Variants in SVIL observed in about 807,000 individuals in gnomAD.
SVIL encodes archvillin.
Under a neutral mutation model 240.4 loss-of-function variants are expected in SVIL, and 101 were observed. The observed-to-expected ratio is 0.42, with a 90% CI of 0.36 to 0.50. The LOEUF is 0.50. SVIL is among the 20% of genes least tolerant of loss of function. The pLI is 0.01. For missense variants in SVIL, 2,512 were observed against 2,818.7 expected (o/e 0.89, Z 2.46); for synonymous variants, 999 against 1,100.0 (o/e 0.91, Z 1.82).
Position 29,493,380 on chromosome 10 carries a change from G to T in SVIL, c.3853C>A (p.His1285Asn), listed in dbSNP as rs774078310. The change falls in exon 21 of 38, where the codon CAC becomes AAC. Residue 1285 changes from histidine to asparagine, a missense_variant. Coordinates refer to ENST00000355867, the MANE Select transcript of SVIL (RefSeq NM_021738.3). ...CCGGTGACAGTGAGCACCGTTTCGT[G>T]CATCCCGCCAACTATCAACAAACAA... The part of the protein sequence containing the change: ...RRLNNKVGGM[H>N]ETVLTVTGKS... The T allele has an allele frequency of 5.6e-6, 9 of 1,613,934 alleles. No homozygotes were observed. Among genetic ancestry groups the T allele is most frequent in the Non-Finnish European group, 7.6e-6 (9 of 1,180,000 alleles).
intron 2 of SVIL, among the ~76,000 whole-genome samples, chr10:29,563,783 C>T (rs1175863649): frequency 6.6e-6 from 1 of 152,142 alleles, no homozygotes; most frequent in Non-Finnish European, 1.5e-5. Context: ...TGGAAAGCCT[C>T]ATGAAGACTC....
intron 2 of SVIL, among the ~76,000 whole-genome samples, chr10:29,681,030 A>G (rs1960601613): frequency 1.3e-5 from 2 of 152,164 alleles, no homozygotes; most frequent in South Asian, 4.1e-4. Context: ...AGGAGACGGA[A>G]AGTCCATGGG....
chr10:29,626,579 T>C (rs1442204450), intron 1 of SVIL, among the ~76,000 whole-genome samples: 1 of 152,244 alleles, frequency 6.6e-6, no homozygotes, highest in Admixed American at 6.5e-5. Context: ...GAGTCTGCTG[T>C]GACCACTTTG....
At chr10:29,724,265 T>G (rs773555293) in intron 1 of SVIL, among the ~76,000 whole-genome samples, 15 of 151,084 alleles carry the variant, frequency 9.9e-5, no homozygotes, top group Non-Finnish European at 2.1e-4. Flanking sequence ...CACTGCCTGC[T>G]ATAACTAACT....
chr10:29,593,651 T>C (rs1956474256), intron 1 of SVIL, among the ~76,000 whole-genome samples: 1 of 152,218 alleles, frequency 6.6e-6, no homozygotes. Flanking sequence ...GTAAAAGAAC[T>C]ATGGAACTTC....
At chr10:29,461,778 T>C (rs1422945328) in intron 36 of SVIL, among the ~76,000 whole-genome samples, 2 of 152,144 alleles carry the variant, frequency 1.3e-5, no homozygotes, top group African/African-American at 2.4e-5. Context: ...TAAAAGACAA[T>C]ATTAATGAGA....
chr10:29,549,545 T>A (rs930650005), intron 6 of SVIL, among the ~76,000 whole-genome samples: 1 of 145,898 alleles, frequency 6.9e-6, no homozygotes, highest in Non-Finnish European at 1.5e-5. Flanking sequence ...GGACTATAAA[T>A]CATTCTGCTA....
intron 16 of SVIL, among the ~76,000 whole-genome samples, chr10:29,513,308 C>T (rs761150161): frequency 2.0e-4 from 30 of 152,338 alleles, no homozygotes; most frequent in South Asian, 8.3e-4. Context: ...CGGTGGCTTC[C>T]GCCTGTAATC....
chr10:29,646,969 G>T (rs547854480), intron 3 of SVIL, among the ~76,000 whole-genome samples: 2 of 152,176 alleles, frequency 1.3e-5, no homozygotes, highest in Non-Finnish European at 2.9e-5. Flanking sequence ...CTTCTGACTG[G>T]TGGAAACTGC....
intron 10 of SVIL, 67 bp downstream of exon 10, chr10:29,531,187 A>G: frequency 2.6e-6 from 4 of 1,534,798 alleles, no homozygotes; most frequent in Non-Finnish European, 2.7e-6. Context: ...AAAAGCCAAA[A>G]ACCTTATTAT....
intron 1 of SVIL, among the ~76,000 whole-genome samples, chr10:29,597,277 A>G (rs117027396): frequency 0.035 from 5,349 of 152,292 alleles, 132 homozygotes; most frequent in Non-Finnish European, 0.052. Context: ...GAGCATGCAG[A>G]AAGCCCGCCC....
chr10:29,555,498 A>T (rs559146287), intron 3 of SVIL, among the ~76,000 whole-genome samples: 64 of 152,340 alleles, frequency 4.2e-4, no homozygotes, highest in African/African-American at 1.4e-3. Flanking sequence ...AAAATCACAT[A>T]CATTAAAATA....
At chr10:29,505,826 C>CA (rs1012400535) in intron 17 of SVIL, among the ~76,000 whole-genome samples, 8 of 151,836 alleles carry the variant, frequency 5.3e-5, no homozygotes. Context: ...ACAACTGCTC[C>CA]AAAAAAATAA....
rs765638308 is a variant in SVIL, at chr10:29,488,661, C to T, written c.4288G>A (p.Glu1430Lys). The T allele has an allele frequency of 3.1e-6, 5 of 1,612,902 alleles. No individual in the cohort carries two copies. In the South Asian group the frequency reaches 5.5e-5, roughly 18 times the overall value. ...NVSLRSVNLT[E>K]QNSNNSAVPY... The stretch of plus-strand genomic sequence containing the variant: ...ACGGCGCTGTTGTTAGAGTTCTGTT[C>T]CGTCAGGTTGACGCTCCGCAGGCTG... The change falls in exon 23 of 38, where the codon GAA (glutamate) becomes AAA (lysine). Residue 1430 changes from glutamate to lysine, a missense_variant. Transcript: ENST00000355867.
intron 17 of SVIL, among the ~76,000 whole-genome samples, chr10:29,504,381 C>T (rs182452913): frequency 1.9e-3 from 287 of 152,152 alleles, no homozygotes; most frequent in Non-Finnish European, 1.8e-3. Flanking sequence ...GTAAAAGACA[C>T]TGTTAAAAGA....
At chr10:29,667,431 C>T (rs960660874) in intron 2 of SVIL, among the ~76,000 whole-genome samples, 1 of 152,110 alleles carries the variant, frequency 6.6e-6, no homozygotes, top group Non-Finnish European at 1.5e-5. Context: ...TAGAAAACAG[C>T]AGTCGTTGCC....
chr10:29,480,381 T>C (rs1946695339), intron 29 of SVIL, 156 bp downstream of exon 29: 1 of 890,202 alleles, frequency 1.1e-6, no homozygotes, highest in African/African-American at 1.7e-5. Context: ...TTTTCATCTC[T>C]GTAGTTTACT....
intron 1 of SVIL, among the ~76,000 whole-genome samples, chr10:29,687,701 A>G (rs1255068622): frequency 6.6e-6 from 1 of 152,150 alleles, no homozygotes; most frequent in African/African-American, 2.4e-5. Flanking sequence ...AAACCCCGTA[A>G]ATTTGCTTTA....
chr10:29,730,509 C>G (rs1964557116), intron 1 of SVIL, among the ~76,000 whole-genome samples: 1 of 152,190 alleles, frequency 6.6e-6, no homozygotes, highest in African/African-American at 2.4e-5. Flanking sequence ...GCCCTAAGAA[C>G]CCAACGGGGT....
Sources: allele counts gnomAD v4.1 joint callset (sites outside exome capture counted in the v4.1 genomes callset), GRCh38; gene constraint gnomAD v4.1.1; transcripts MANE v1.5; gene names NCBI Gene and HGNC (gene_info 2026-07-23, HGNC 2026-07-21).